KDM1B: variants seen among roughly 807,000 people sequenced by gnomAD.
The protein encoded by KDM1B is lysine demethylase 1B, also known as lysine-specific histone demethylase 2.
KDM1B carries 63 observed loss-of-function variants against 107.4 expected under a neutral mutation model. The ratio of observed to expected loss-of-function variants is 0.59; its 90% CI spans 0.48 to 0.72. The LOEUF (loss-of-function observed/expected upper bound fraction) is 0.72, where lower values mean the gene tolerates loss of function less well. Ranked by LOEUF, KDM1B falls within the 30% of genes least tolerant of loss-of-function variation. The pLI is 0.00. For synonymous variants in KDM1B, 363 were observed against 363.9 expected, an observed-to-expected ratio of 1.00 and a Z score of 0.03; for missense variants, 749 against 1,020.8, an observed-to-expected ratio of 0.73 and a Z score of 3.63.
rs1359166965 is a variant in KDM1B, at chr6:18,208,603, G to GTGTATATATATATATATATATATA, written c.1866+398_1866+399insGTATATATATATATATATATATAT. On this transcript the variant is annotated intron_variant, in intron 17 of 21. Coordinates refer to ENST00000650836, the MANE Select transcript of KDM1B (RefSeq NM_001364614.2). ...TAGGGTTAAATAGAAGTATGTGTATGTATATATATATATATATATATATAT... is the reference window on the plus strand; with the variant it reads ...TAGGGTTAAATAGAAGTATGTGTATGTGTATATATATATATATATATATATATATATATATATATATATATATAT... Among the ~76,000 whole-genome samples the GTGTATATATATATATATATATATA allele has an allele frequency of 2.0e-3, 71 of 34,912 alleles. 2 individuals carry two copies. The highest frequency in any genetic ancestry group is 2.8e-3 in the Non-Finnish European group (59 of 20,810). The allele number at this position is 34,912 out of a possible 152,430, so 22.9% of individuals were successfully genotyped here.
Position 18,159,666 on chromosome 6 carries a change from T to C in KDM1B, c.-13-217T>C, listed in dbSNP as rs2150753628. On this transcript the variant is annotated intron_variant, in intron 2 of 21. Transcript: ENST00000650836. This position sits in a 1 kb window ranked among gnomAD's most constrained non-coding sequence, Gnocchi z 4.5. ...GACGTGCACCTGTATTCCCAACTAC[T>C]TGGAGCTGAGGTGGGAGAATCGCTT... is the stretch of plus-strand genomic sequence containing the variant. Among the ~76,000 whole-genome samples the C allele has an allele frequency of 6.6e-6, 1 of 152,272 alleles. No individual in the cohort carries two copies. The highest frequency in any genetic ancestry group is 1.5e-5 in the Non-Finnish European group (1 of 68,014).
rs78929630 is a variant in KDM1B at position 18,209,984 on chromosome 6, T to C, written c.1866+1778T>C. Among the ~76,000 whole-genome samples, 3,105 of 152,276 alleles carry C rather than the reference T, an allele frequency of 0.02. 102 individuals carry two copies. Among genetic ancestry groups the C allele is most frequent in the African/African-American group, 0.07 (2,913 of 41,550 alleles). ...CTTGGTGTCCAGGACAGCAAGCTGGTTTTAACTCCCCTGCTTTGTTACTCT... is the reference window on the plus strand; with the variant it reads ...CTTGGTGTCCAGGACAGCAAGCTGGCTTTAACTCCCCTGCTTTGTTACTCT... On this transcript the variant is annotated intron_variant, in intron 17 of 21. Coordinates refer to ENST00000650836, the MANE Select transcript of KDM1B (RefSeq NM_001364614.2). The surrounding 1 kb of genome is among the most constrained non-coding windows in gnomAD (Gnocchi z 4.3).
Position 18,164,746 on chromosome 6 carries a change from A to G in KDM1B, c.306-1521A>G, listed in dbSNP as rs35207148. On this transcript the variant is annotated intron_variant, in intron 5 of 21. Transcript: ENST00000650836. ...CTGCAACTTCCGCCTCCTGGGTTCA[A>G]GTGATTCTCGTGCCTCAGCCTCCTG... 2.0e-5 allele frequency among the ~76,000 whole-genome samples: 3 copies of G among 151,394 alleles called. No homozygotes were observed. In the East Asian group the frequency reaches 5.9e-4, roughly 30 times the overall value.
In KDM1B at chr6:18,203,606, A is replaced by G. The variant is rs960020974; in HGVS notation, c.1532-1931A>G. 5.3e-5 allele frequency among the ~76,000 whole-genome samples: 8 copies of G among 152,164 alleles called. No homozygotes were observed. The highest frequency in any genetic ancestry group is 8.8e-5 in the Non-Finnish European group (6 of 68,024). On this transcript the variant is annotated intron_variant, in intron 14 of 21. Coordinates refer to ENST00000650836, the MANE Select transcript of KDM1B (RefSeq NM_001364614.2). The surrounding 1 kb of genome is among the most constrained non-coding windows in gnomAD (Gnocchi z 5.5). ...GGTGGCTAACGCCTGTAATCTCAGC[A>G]CTTTGGGAGGCCAAGGCGGGTGGAT...
chr6:18,182,575 G>A (rs1236741492), intron 7 of KDM1B, among the ~76,000 whole-genome samples: 1 of 151,056 alleles, frequency 6.6e-6, no homozygotes, highest in Admixed American at 6.6e-5. Context: ...GTCTTGCTCT[G>A]TCACCCAGGC....
rs183770852 is a variant in KDM1B, at chr6:18,215,588, C to T, written c.2232+459C>T. 4.3e-3 allele frequency among the ~76,000 whole-genome samples: 658 copies of T among 152,212 alleles called. 5 individuals are homozygous for T. Among genetic ancestry groups the T allele is most frequent in the African/African-American group, 0.015 (630 of 41,522 alleles). On this transcript the variant is annotated intron_variant, in intron 20 of 21. Transcript: ENST00000650836. ...AAGTAATTACCCATTGGAGACCATG[C>T]GACGAAATACAGTCACATTCTGAGG...
chr6:18,185,372 G>T (rs1786789330), intron 7 of KDM1B, among the ~76,000 whole-genome samples: 1 of 151,870 alleles, frequency 6.6e-6, no homozygotes, highest in Non-Finnish European at 1.5e-5. Context: ...CGCAGTCTCG[G>T]CTCACTGCAA....
chr6:18,208,674 T>C (rs1788595246), intron 17 of KDM1B, among the ~76,000 whole-genome samples: 1 of 118,546 alleles, frequency 8.4e-6, no homozygotes, highest in Admixed American at 9.5e-5. Flanking sequence ...AGATGGAGTC[T>C]CGTGCTGTCA....
chr6:18,210,628 T>C (rs1788796865), intron 17 of KDM1B, among the ~76,000 whole-genome samples: 1 of 152,098 alleles, frequency 6.6e-6, no homozygotes, highest in Non-Finnish European at 1.5e-5. Context: ...CCCAAAATGC[T>C]GGGATTATAG....
At chr6:18,202,461 G>A (rs990890233) in intron 14 of KDM1B, among the ~76,000 whole-genome samples, 2 of 152,150 alleles carry the variant, frequency 1.3e-5, no homozygotes, top group African/African-American at 4.8e-5. Flanking sequence ...GGCAATATTA[G>A]CCACAACTAT....
At position 18,209,790 on chromosome 6, in the gene KDM1B, T is replaced by C. The variant is rs1788697151; in HGVS notation, c.1866+1584T>C. 1.3e-5 allele frequency among the ~76,000 whole-genome samples: 2 copies of C among 152,200 alleles called. No individual in the cohort carries two copies. The highest frequency in any genetic ancestry group is 6.5e-5 in the Admixed American group (1 of 15,276). ...GCCCGGCTAGTCATGTTTTTAAAGCTTCTCAAGTGATTCCAGTGTGCAGCC... is the reference window on the plus strand; with the variant it reads ...GCCCGGCTAGTCATGTTTTTAAAGCCTCTCAAGTGATTCCAGTGTGCAGCC... On this transcript the variant is annotated intron_variant, in intron 17 of 21. Coordinates refer to ENST00000650836, the MANE Select transcript of KDM1B (RefSeq NM_001364614.2). The surrounding 1 kb of genome is among the most constrained non-coding windows in gnomAD (Gnocchi z 4.3).
intron 7 of KDM1B, among the ~76,000 whole-genome samples, chr6:18,183,258 G>GTTTTTTTT (rs34558185): frequency 3.3e-5 from 2 of 61,472 alleles, no homozygotes; most frequent in African/African-American, 1.2e-4. Context: ...AATTTTGTGG[G>GTTTTTTTT]TTTTTTTTTT....
intron 7 of KDM1B, 64 bp from the exon 8 acceptor site, chr6:18,185,708 A>T: frequency 1.5e-6 from 2 of 1,373,956 alleles, no homozygotes; most frequent in Non-Finnish European, 2.1e-6. Context: ...TATTGAAGAT[A>T]AATGGATACC....
At chr6:18,208,627 A>ATT (rs1167715268) in intron 17 of KDM1B, among the ~76,000 whole-genome samples, 2 of 25,736 alleles carry the variant, frequency 7.8e-5, no homozygotes, top group Admixed American at 8.1e-4. Flanking sequence ...ATATATATAT[A>ATT]TTTTTTTTTT....
chr6:18,202,245 G>A lies in KDM1B; in HGVS notation c.1531+588G>A, dbSNP rs12181268. ...TGAGCCTTGTGTCTACAAAAAAAAAGGGCGGGGGGCAAGCATGGTGGTGTG... is the reference window on the plus strand; with the variant it reads ...TGAGCCTTGTGTCTACAAAAAAAAAAGGCGGGGGGCAAGCATGGTGGTGTG... On this transcript the variant is annotated intron_variant, in intron 14 of 21. Transcript: ENST00000650836. Among the ~76,000 whole-genome samples, 205 of 132,722 alleles carry A rather than the reference G, an allele frequency of 1.5e-3. 1 individual carries two copies. The highest frequency in any genetic ancestry group is 4.2e-3 in the African/African-American group (125 of 29,496). 87.1% of individuals were successfully genotyped at this position (132,722 alleles called of 152,430 possible).
At chr6:18,156,689 C>T (rs1367764356) in intron 2 of KDM1B, among the ~76,000 whole-genome samples, 2 of 151,752 alleles carry the variant, frequency 1.3e-5, no homozygotes, top group South Asian at 2.1e-4. Flanking sequence ...CCGAGGTGGG[C>T]GATCACTTGA....
chr6:18,190,447 A>AAT (rs1787202314), intron 9 of KDM1B, among the ~76,000 whole-genome samples: 1 of 150,952 alleles, frequency 6.6e-6, no homozygotes, highest in Non-Finnish European at 1.5e-5. Flanking sequence ...AAAAAAAAAA[A>AAT]AAAAATTAGC....
intron 10 of KDM1B, among the ~76,000 whole-genome samples, chr6:18,193,694 T>C (rs9477666): frequency 0.083 from 12,604 of 151,978 alleles, 1,593 homozygotes; most frequent in African/African-American, 0.27. Flanking sequence ...ATTTCTTGAA[T>C]ATTTGGTTCT....
At chr6:18,170,914 G>A (rs1422594465) in intron 6 of KDM1B, among the ~76,000 whole-genome samples, 1 of 151,286 alleles carries the variant, frequency 6.6e-6, no homozygotes, top group Admixed American at 6.6e-5. Context: ...TTCGCCTCCC[G>A]GGTTCATGCC....
Sources: allele counts gnomAD v4.1 joint callset (sites outside exome capture counted in the v4.1 genomes callset), GRCh38; gene constraint gnomAD v4.1.1; non-coding constraint Gnocchi (gnomAD v3.1); transcripts MANE v1.5; gene names NCBI Gene and HGNC (gene_info 2026-07-23, HGNC 2026-07-21).